The following LST1 variants were observed in gnomAD, a reference collection of about 807,000 sequenced individuals.
LST1 encodes leukocyte-specific transcript 1 protein.
LST1 carries 9 observed loss-of-function variants against 8.5 expected under a neutral mutation model. The observed-to-expected ratio is 1.06, with a 90% CI of 0.64 to 1.85. The LOEUF (loss-of-function observed/expected upper bound fraction) is 1.85. LST1 is among the 40% of genes most tolerant of loss of function. The pLI is 0.00. For missense variants in LST1, 121 were observed against 117.1 expected, an observed-to-expected ratio of 1.03 and a Z score of -0.16; for synonymous variants, 53 against 50.4, an observed-to-expected ratio of 1.05 and a Z score of -0.21.
At chr6:31,587,470 A>C in intron 2 of LST1, 152 bp downstream of exon 2, 1 of 972,438 alleles carries the variant, frequency 1.0e-6, no homozygotes, top group Non-Finnish European at 1.6e-6. Context: ...GAGGCCCAGA[A>C]ACCTGGTAAG....
chr6:31,588,399 A>AGAGG (rs1172403126), intron 4 of LST1, 119 bp from the exon 5 acceptor site: 1 of 797,148 alleles, frequency 1.3e-6, no homozygotes, highest in South Asian at 1.9e-5. Flanking sequence ...AGAGAGAGAG[A>AGAGG]GAGGGAGAGA....
chr6:31,587,921 T>A, intron 3 of LST1, 23 bp from the exon 4 acceptor site: 1 of 1,608,404 alleles, frequency 6.2e-7, no homozygotes, highest in Non-Finnish European at 8.5e-7. Flanking sequence ...GTGGGCTGTG[T>A]TGAGCTTCTT....
At chr6:31,587,754 C>A in intron 3 of LST1, 21 bp downstream of exon 3, 1 of 1,553,714 alleles carries the variant, frequency 6.4e-7, no homozygotes, top group East Asian at 2.3e-5. Context: ...CACTCCCTCC[C>A]TCCCCCTGCA....
intron 3 of LST1, 27 bp downstream of exon 3, chr6:31,587,760 C>A (rs1583075252): frequency 1.3e-6 from 2 of 1,537,854 alleles, no homozygotes; most frequent in Non-Finnish European, 1.8e-6. Flanking sequence ...CTCCCTCCCC[C>A]TGCAGCAGTG....
In LST1 at chr6:31,587,705, C is replaced by A; in HGVS notation, c.84C>A (p.Ser28=). ...TGCTTCTGGCAGTGGTCCTTCTGTCCGCCTGCCTGTGTTGGCTGCATCGAA... is the reference window on the plus strand; with the variant it reads ...TGCTTCTGGCAGTGGTCCTTCTGTCAGCCTGCCTGTGTTGGCTGCATCGAA... ...GLLLLAVVLL[S]ACLCWLHRRV... Residue 28 remains serine, a synonymous_variant, in exon 3 of 5, where the codon TCC becomes TCA. Transcript: ENST00000438075. The A allele has an allele frequency of 6.3e-7, 1 of 1,598,590 alleles. No individual in the cohort carries two copies. Among genetic ancestry groups the A allele is most frequent in the Non-Finnish European group, 8.5e-7 (1 of 1,173,844 alleles).
intron 4 of LST1, 95 bp downstream of exon 4, chr6:31,588,061 C>T (rs755971627): frequency 2.0e-4 from 269 of 1,314,996 alleles, no homozygotes; most frequent in Non-Finnish European, 2.6e-4. Flanking sequence ...GGGTTGGGGA[C>T]GGGAGACAAG....
Position 31,587,277 on chromosome 6 carries a change from G to T in LST1, c.-23G>T, listed in dbSNP as rs1184724888. The T allele has an allele frequency of 6.3e-7, 1 of 1,580,152 alleles. No homozygotes were observed. The highest frequency in any genetic ancestry group is 1.7e-5 in the Admixed American group (1 of 59,950). ...AAGGACTAGAGTTCCTGACCTCCAG[G>T]CCAGTCCCTGATCCCTGACCTAATG... On this transcript the variant is annotated 5_prime_UTR_variant, in exon 2 of 5. Coordinates refer to ENST00000438075, the MANE Select transcript of LST1 (RefSeq NM_205839.3).
At chr6:31,587,536 C>G (rs1351423279) in intron 2 of LST1, 105 bp from the exon 3 acceptor site, 2 of 826,946 alleles carry the variant, frequency 2.4e-6, no homozygotes, top group African/African-American at 3.4e-5. Flanking sequence ...TTTTCTGCCT[C>G]TAAAACTGTT....
rs1772093304 is a variant in LST1, at chr6:31,587,688, G to T, written c.67G>T (p.Ala23Ser). 2 of 1,601,116 alleles carry T rather than the reference G, an allele frequency of 1.2e-6. No individual in the cohort carries two copies. The highest frequency in any genetic ancestry group is 1.3e-5 in the African/African-American group (1 of 74,762). Residue 23 changes from alanine to serine, a missense_variant, in exon 3 of 5, where the codon GCA (alanine) becomes TCA (serine). Coordinates refer to ENST00000438075, the MANE Select transcript of LST1 (RefSeq NM_205839.3). Reference sequence around the variant, plus strand: ...GGGGCTGGGCGGGCTCCTGCTTCTGGCAGTGGTCCTTCTGTCCGCCTGCCT... The same window carrying T: ...GGGGCTGGGCGGGCTCCTGCTTCTGTCAGTGGTCCTTCTGTCCGCCTGCCT... The part of the protein sequence containing the change: ...GLGLGGLLLL[A>S]VVLLSACLCW...
chr6:31,588,606 G>A lies in LST1; in HGVS notation c.224G>A (p.Arg75Lys). 6.2e-7 allele frequency: 1 copy of A among 1,613,104 alleles called. No homozygotes were observed. The highest frequency in any genetic ancestry group is 8.5e-7 in the Non-Finnish European group (1 of 1,180,032). ...AGTGAGGGACCTGACCTCAGGGGCAGAGACAAGAGAGGCACCAAGGAGGAT... is the reference window on the plus strand; with the variant it reads ...AGTGAGGGACCTGACCTCAGGGGCAAAGACAAGAGAGGCACCAAGGAGGAT... ...PSSEGPDLRGRDKRGTKEDPR... is the reference protein window; with the variant it reads ...PSSEGPDLRGKDKRGTKEDPR... The change falls in exon 5 of 5, where the codon AGA becomes AAA. Residue 75 changes from arginine (R) to lysine (K), a missense_variant. Coordinates refer to ENST00000438075, the MANE Select transcript of LST1 (RefSeq NM_205839.3).
chr6:31,588,430 A>C, intron 4 of LST1, 88 bp from the exon 5 acceptor site: 1 of 1,324,122 alleles, frequency 7.6e-7, no homozygotes, highest in Non-Finnish European at 1.0e-6. Flanking sequence ...GAGGGAGAGA[A>C]GTAAGAAAGG....
chr6:31,588,889 CAT>C lies in LST1; in HGVS notation c.*214_*215del. 1.1e-6 allele frequency: 1 copy of C among 880,918 alleles called. No individual in the cohort carries two copies. The highest frequency in any genetic ancestry group is 1.7e-6 in the Non-Finnish European group (1 of 582,922). The allele number at this position is 880,918 out of a possible 1,614,324, so 54.6% of individuals were successfully genotyped here. ...TTTAAAAATTAAAATAAAAAAAACA[CAT>C]GGCTCACCCTTCCACCCACTCTGGG... On this transcript the variant is annotated 3_prime_UTR_variant, in exon 5 of 5. Coordinates refer to ENST00000438075, the MANE Select transcript of LST1 (RefSeq NM_205839.3).
At chr6:31,588,238 G>T in intron 4 of LST1, 1 of 586,828 alleles carries the variant, frequency 1.7e-6, no homozygotes, top group Non-Finnish European at 3.0e-6. Context: ...GAGAGAGAGA[G>T]AGAGGCTCCA....
intron 4 of LST1, 57 bp from the exon 5 acceptor site, chr6:31,588,461 C>T: frequency 6.5e-7 from 1 of 1,539,884 alleles, no homozygotes; most frequent in Non-Finnish European, 8.8e-7. Flanking sequence ...GAGCAGAACT[C>T]ACAGGGAAGG....
Position 31,587,967 on chromosome 6 carries a change from G to C in LST1, c.135+1G>C. The C allele has an allele frequency of 1.9e-6, 3 of 1,609,688 alleles. No individual in the cohort carries two copies. Among genetic ancestry groups the C allele is most frequent in the Non-Finnish European group, 2.5e-6 (3 of 1,178,206 alleles). On this transcript the variant is annotated splice_donor_variant, in intron 4 of 4. Transcript: ENST00000438075. LOFTEE classifies it high-confidence loss of function. Reference sequence around the variant, plus strand: ...AGTAAAGAGGCTGGAGAGGAGCTGGGTGAGTCTGGGGACAGGGAAGGGGGA... The same window carrying C: ...AGTAAAGAGGCTGGAGAGGAGCTGGCTGAGTCTGGGGACAGGGAAGGGGGA...
intron 4 of LST1, chr6:31,588,300 G>A (rs1772188553): frequency 1.6e-6 from 1 of 624,236 alleles, no homozygotes; most frequent in Non-Finnish European, 2.8e-6. Flanking sequence ...CAAGGCTGAG[G>A]CAGGAAGATA....
chr6:31,588,403 G>GAGAGGGAGA lies in LST1; in HGVS notation c.136-115_136-114insAGAGGGAGA, dbSNP rs1562499302. The GAGAGGGAGA allele has an allele frequency of 2.0e-5, 11 of 541,678 alleles. No individual in the cohort carries two copies. The East Asian group carries it at 2.6e-4, about 13-fold the overall frequency. 33.6% of individuals were successfully genotyped at this position (541,678 alleles called of 1,614,324 possible). A position where few individuals can be genotyped will look rare whatever the true frequency, so the allele number is the denominator to read the frequency against. ...GAGAGAGAGAGAGAGAGAGAGAGAG[G>GAGAGGGAGA]GAGAGAGAGAGAGAGAGAGGGAGAG... On this transcript the variant is annotated intron_variant, in intron 4 of 4. Coordinates refer to ENST00000438075, the MANE Select transcript of LST1 (RefSeq NM_205839.3).
At position 31,588,783 on chromosome 6, in the gene LST1, C is replaced by T; in HGVS notation, c.*107C>T. The T allele has an allele frequency of 8.0e-7, 1 of 1,248,762 alleles. No individual in the cohort carries two copies. The highest frequency in any genetic ancestry group is 1.2e-6 in the Non-Finnish European group (1 of 851,308). 77.4% of individuals were successfully genotyped at this position (1,248,762 alleles called of 1,614,324 possible). ...CTTCTGTGTCTCAGTCCTCTCAGTCCATCTCGAGCCTCCGTTCAAATTGAT... is the reference window on the plus strand; with the variant it reads ...CTTCTGTGTCTCAGTCCTCTCAGTCTATCTCGAGCCTCCGTTCAAATTGAT... On this transcript the variant is annotated 3_prime_UTR_variant, in exon 5 of 5. Transcript: ENST00000438075.
rs1332388114 is a variant in LST1 at position 31,587,727 on chromosome 6, C to G, written c.106C>G (p.Arg36Gly). 7.5e-6 allele frequency: 12 copies of G among 1,597,330 alleles called. No individual in the cohort carries two copies. Among genetic ancestry groups the G allele is most frequent in the Non-Finnish European group, 1.0e-5 (12 of 1,172,614 alleles). The change falls in exon 3 of 5, where the codon CGA becomes GGA. Residue 36 changes from arginine (R) to glycine (G), a missense_variant. Coordinates refer to ENST00000438075, the MANE Select transcript of LST1 (RefSeq NM_205839.3). ...LLSACLCWLH[R>G]RVKRLERSWA... ...GTCCGCCTGCCTGTGTTGGCTGCATCGAAGAGGTGAGCGCTGCACTCCCTC... is the reference window on the plus strand; with the variant it reads ...GTCCGCCTGCCTGTGTTGGCTGCATGGAAGAGGTGAGCGCTGCACTCCCTC...
Sources: gnomAD v4.1 joint callset for allele counts on GRCh38, gnomAD v4.1.1 for gene constraint, MANE v1.5 for transcripts, NCBI Gene and HGNC (gene_info 2026-07-23, HGNC 2026-07-21) for gene names.